Variants in TBCE observed in about 807,000 individuals in gnomAD.
TBCE encodes tubulin-specific chaperone E.
TBCE carries 53 observed loss-of-function variants against 77.0 expected under a neutral mutation model. The ratio of observed to expected loss-of-function variants is 0.69; its 90% CI spans 0.55 to 0.87. The LOEUF is 0.87. TBCE is among the 40% of genes least tolerant of loss of function. The pLI is 0.00. For synonymous variants in TBCE, 235 were observed against 241.3 expected, an observed-to-expected ratio of 0.97 and a Z score of 0.24; for missense variants, 624 against 622.4, an observed-to-expected ratio of 1.00 and a Z score of -0.03.
chr1:235,372,919 G>A (rs537392119), intron 1 of TBCE, among the ~76,000 whole-genome samples: 86 of 122,152 alleles, frequency 7.0e-4, no homozygotes, highest in African/African-American at 2.8e-3. Context: ...GTGAGACTCC[G>A]TCTAAAAAAA....
At chr1:235,411,221 T>C (rs1466715044) in intron 3 of TBCE, among the ~76,000 whole-genome samples, 1 of 152,220 alleles carries the variant, frequency 6.6e-6, no homozygotes, top group African/African-American at 2.4e-5. Flanking sequence ...GATCATTCTC[T>C]TGTCTTCCAT....
chr1:235,427,144 C>A lies in TBCE; in HGVS notation c.465C>A (p.Ile155=). ...TTTCTTAACATGTGCTTTTAGATAT[C>A]AGAAAGGTAGATTTGTCAAAAAACC... The part of the protein sequence containing the change: ...KGGVAEACPN[I]RKVDLSKNLL... Residue 155 remains isoleucine (I), a synonymous_variant, in exon 6 of 17, where the codon ATC becomes ATA. Transcript: ENST00000642610. 1 of 1,609,048 alleles carries A rather than the reference C, an allele frequency of 6.2e-7. No homozygotes were observed. The highest frequency in any genetic ancestry group is 8.5e-7 in the Non-Finnish European group (1 of 1,175,536).
intron 3 of TBCE, among the ~76,000 whole-genome samples, chr1:235,401,826 CTTTTTTTTTTT>C (rs11285286): frequency 2.3e-5 from 2 of 88,606 alleles, no homozygotes; most frequent in African/African-American, 9.7e-5. Context: ...TTTCTTCGTC[CTTTTTTTTTTT>C]TTTTTTTTTT....
intron 5 of TBCE, 98 bp from the exon 6 acceptor site, chr1:235,427,042 T>C: frequency 1.2e-6 from 1 of 848,314 alleles, no homozygotes; most frequent in Admixed American, 2.0e-5. Flanking sequence ...GGGTATAAAA[T>C]GAAAAGTTAA....
chr1:235,389,745 A>G (rs1291550216), intron 2 of TBCE, among the ~76,000 whole-genome samples: 1 of 152,212 alleles, frequency 6.6e-6, no homozygotes, highest in Non-Finnish European at 1.5e-5. Context: ...AGCTGTTATG[A>G]CAACTAAATC....
At chr1:235,381,298 A>G (rs961836723) in intron 2 of TBCE, among the ~76,000 whole-genome samples, 1 of 152,156 alleles carries the variant, frequency 6.6e-6, no homozygotes, top group African/African-American at 2.4e-5. Context: ...ACAACTAATG[A>G]GACTAGAATC....
chr1:235,378,412 A>G (rs1677426102), intron 1 of TBCE, among the ~76,000 whole-genome samples: 1 of 151,684 alleles, frequency 6.6e-6, no homozygotes, highest in East Asian at 1.9e-4. Context: ...TTTGGTAGAG[A>G]TAAGTTTCAC....
chr1:235,417,624 G>A (rs1680177690), intron 4 of TBCE, among the ~76,000 whole-genome samples: 1 of 152,168 alleles, frequency 6.6e-6, no homozygotes, highest in African/African-American at 2.4e-5. Context: ...TACTTAATTG[G>A]AACTGTGAGG....
At chr1:235,419,641 C>T (rs1439775081) in intron 5 of TBCE, 80 bp downstream of exon 5, 3 of 1,580,584 alleles carry the variant, frequency 1.9e-6, no homozygotes, top group East Asian at 2.2e-5. Flanking sequence ...AATTGCCTAC[C>T]CATTGTCCAG....
At chr1:235,386,186 G>A (rs1254539208) in intron 2 of TBCE, among the ~76,000 whole-genome samples, 4 of 152,264 alleles carry the variant, frequency 2.6e-5, no homozygotes, top group East Asian at 1.9e-4. Context: ...CAAGAGATCC[G>A]CTGTTAGTCT....
At chr1:235,444,657 C>T (rs1682123325) in intron 15 of TBCE, among the ~76,000 whole-genome samples, 2 of 152,188 alleles carry the variant, frequency 1.3e-5, no homozygotes, top group Non-Finnish European at 2.9e-5. Flanking sequence ...CTCCTGTCAT[C>T]ACCTCCCAAA....
intron 3 of TBCE, among the ~76,000 whole-genome samples, chr1:235,409,891 G>T (rs188572413): frequency 2.3e-5 from 2 of 87,302 alleles, no homozygotes; most frequent in African/African-American, 1.2e-4. Flanking sequence ...TTAGCCAGGC[G>T]TGGTGGCGGG....
In TBCE at chr1:235,451,660, G is replaced by T. The variant is rs1401336731; in HGVS notation, c.*2898G>T. ...GAATCAGACTATCAAAGTGGACCATGTAGATGTGGGTTGATTTCTTGTCCT... is the reference window on the plus strand; with the variant it reads ...GAATCAGACTATCAAAGTGGACCATTTAGATGTGGGTTGATTTCTTGTCCT... On this transcript the variant is annotated 3_prime_UTR_variant, in exon 17 of 17. Coordinates refer to ENST00000642610, the MANE Select transcript of TBCE (RefSeq NM_003193.5). The T allele has an allele frequency of 6.6e-6, 1 of 152,192 alleles. No homozygotes were observed. The highest frequency in any genetic ancestry group is 6.5e-5 in the Admixed American group (1 of 15,272). The allele number at this position is 152,192 out of a possible 1,614,324, so 9.4% of individuals were successfully genotyped here. A position where few individuals can be genotyped will look rare whatever the true frequency, so the allele number is the denominator to read the frequency against.
intron 5 of TBCE, among the ~76,000 whole-genome samples, chr1:235,422,820 A>G (rs1041233462): frequency 6.6e-6 from 1 of 152,074 alleles, no homozygotes; most frequent in African/African-American, 2.4e-5. Flanking sequence ...CAAGAGCGAG[A>G]CTCCGTCTCA....
At chr1:235,423,127 T>C (rs1460242882) in intron 5 of TBCE, among the ~76,000 whole-genome samples, 3 of 152,162 alleles carry the variant, frequency 2.0e-5, no homozygotes, top group African/African-American at 7.2e-5. Flanking sequence ...GGTCTGTCTT[T>C]GAGGTTATTT....
At chr1:235,418,204 A>G (rs1317162509) in intron 4 of TBCE, among the ~76,000 whole-genome samples, 1 of 152,180 alleles carries the variant, frequency 6.6e-6, no homozygotes. Flanking sequence ...ATTGCATTGT[A>G]TATGTGTGCC....
At position 235,441,817 on chromosome 1, in the gene TBCE, A is replaced by T; in HGVS notation, c.1274A>T (p.Tyr425Phe). The T allele has an allele frequency of 1.9e-6, 3 of 1,613,848 alleles. No individual in the cohort carries two copies. In the South Asian group the frequency reaches 3.3e-5, roughly 18 times the overall value. ...HPRYQFLCLK[Y>F]GAPEDWELKT... ...TCTCTTTTGCTTTCTTAAACAGAAT[A>T]TGGTGCACCTGAAGATTGGGAACTC... Residue 425 changes from tyrosine (Y) to phenylalanine (F), a missense_variant, in exon 14 of 17, where the codon TAT becomes TTT. Tyr to Phe is a conservative substitution (Grantham distance 22). Coordinates refer to ENST00000642610, the MANE Select transcript of TBCE (RefSeq NM_003193.5).
intron 2 of TBCE, among the ~76,000 whole-genome samples, chr1:235,394,418 C>CTTTTTTTTTTTT (rs386370043): frequency 1.4e-5 from 1 of 72,314 alleles, no homozygotes; most frequent in Non-Finnish European, 2.4e-5. Flanking sequence ...TTGATAATTT[C>CTTTTTTTTTTTT]TTTTTTTTTT....
intron 1 of TBCE, among the ~76,000 whole-genome samples, chr1:235,373,295 A>G (rs1038374293): frequency 6.6e-6 from 1 of 152,216 alleles, no homozygotes; most frequent in Non-Finnish European, 1.5e-5. Context: ...TTAGGGTAAT[A>G]CAATTGTAGT....
Sources: allele counts gnomAD v4.1 joint callset (sites outside exome capture counted in the v4.1 genomes callset), GRCh38; gene constraint gnomAD v4.1.1; transcripts MANE v1.5; gene names NCBI Gene and HGNC (gene_info 2026-07-23, HGNC 2026-07-21).